The following DIAPH1 variants were observed in gnomAD, a reference collection of about 807,000 sequenced individuals.
DIAPH1 encodes the protein protein diaphanous homolog 1.
Under a neutral mutation model 140.7 loss-of-function variants are expected in DIAPH1, and 46 were observed. The ratio of observed to expected loss-of-function variants is 0.33; its 90% CI spans 0.26 to 0.42. The LOEUF (loss-of-function observed/expected upper bound fraction) is 0.42, where lower values mean the gene tolerates loss of function less well. Among genes scored for constraint, DIAPH1 ranks in the 10% least tolerant of loss-of-function variants. DIAPH1 has a pLI of 1.00. For synonymous variants in DIAPH1, 565 were observed against 551.6 expected (o/e 1.02, Z -0.34); for missense variants, 1,310 against 1,558.7 (o/e 0.84, Z 2.69).
intron 18 of DIAPH1, among the ~76,000 whole-genome samples, chr5:141,547,435 A>G (rs2099890978): frequency 2.0e-5 from 3 of 151,662 alleles, no homozygotes; most frequent in Non-Finnish European, 2.9e-5. Context: ...ACTGCACTCC[A>G]GCCTGGGCGA....
chr5:141,579,432 C>T (rs1234809557), intron 8 of DIAPH1, among the ~76,000 whole-genome samples: 1 of 152,156 alleles, frequency 6.6e-6, no homozygotes, highest in Non-Finnish European at 1.5e-5. Flanking sequence ...TCCATAAATA[C>T]CAAATCAAGT....
At chr5:141,590,792 C>T (rs1011672005) in intron 1 of DIAPH1, among the ~76,000 whole-genome samples, 2 of 151,698 alleles carry the variant, frequency 1.3e-5, no homozygotes, top group African/African-American at 4.8e-5. Flanking sequence ...TTTCTGCCTA[C>T]AGACTCTTGA....
intron 18 of DIAPH1, among the ~76,000 whole-genome samples, chr5:141,537,827 C>CAAT (rs1230598100): frequency 7.2e-5 from 11 of 152,152 alleles, no homozygotes; most frequent in Admixed American, 6.5e-5. Flanking sequence ...CCTACAACAA[C>CAAT]ATCTAAGAAA....
At position 141,584,171 on chromosome 5, in the gene DIAPH1, T is replaced by C. The variant is rs1205534090; in HGVS notation, c.355A>G (p.Ile119Val). Residue 119 changes from isoleucine (I) to valine (V), a missense_variant, in exon 4 of 28, where the codon ATC (isoleucine) becomes GTC (valine). Physicochemically the swap from Ile to Val is conservative, Grantham distance 29. Transcript: ENST00000389054. ...TGGGACACCATCTCCCTCTTGATGA[T>C]GATGTCCTTCTCCCTCAAAGGTTGC... ...KQQPLREKDI[I>V]IKREMVSQYL... 1 of 1,613,576 alleles carries C rather than the reference T, an allele frequency of 6.2e-7. No homozygotes were observed. The highest frequency in any genetic ancestry group is 8.5e-7 in the Non-Finnish European group (1 of 1,179,592).
chr5:141,551,868 A>C (rs1189652073), intron 18 of DIAPH1, among the ~76,000 whole-genome samples: 1 of 152,242 alleles, frequency 6.6e-6, no homozygotes, highest in Admixed American at 6.5e-5. Context: ...CAGTGCACAC[A>C]GAACATTTAT....
chr5:141,518,312 GAAAAAAAAA>G (rs55840265), intron 27 of DIAPH1, among the ~76,000 whole-genome samples: 1 of 115,336 alleles, frequency 8.7e-6, no homozygotes, highest in Non-Finnish European at 1.8e-5. Flanking sequence ...AGCTCAATTG[GAAAAAAAAA>G]AAAAAAAAAA....
At chr5:141,518,872 A>G (rs1209516988) in intron 27 of DIAPH1, 1 of 1,426,350 alleles carries the variant, frequency 7.0e-7, no homozygotes, top group Non-Finnish European at 9.7e-7. Flanking sequence ...CATGACCCAG[A>G]GCTACTGTTT....
chr5:141,576,550 A>G (rs371762442), intron 13 of DIAPH1, among the ~76,000 whole-genome samples: 247 of 152,332 alleles, frequency 1.6e-3, no homozygotes, highest in African/African-American at 5.8e-3. Flanking sequence ...GAGTTCCTGC[A>G]AAAGGTGCTG....
intron 6 of DIAPH1, 126 bp downstream of exon 6, chr5:141,583,080 C>A: frequency 1.2e-6 from 1 of 853,132 alleles, no homozygotes; most frequent in Non-Finnish European, 2.0e-6. Context: ...TAAACCCCTT[C>A]TTGGCTAACA....
intron 18 of DIAPH1, among the ~76,000 whole-genome samples, chr5:141,567,853 T>G (rs2099894610): frequency 6.6e-6 from 1 of 152,232 alleles, no homozygotes; most frequent in African/African-American, 2.4e-5. Flanking sequence ...TTCTGACTTC[T>G]GGAACAACAG....
chr5:141,539,749 CTT>C (rs780242179), intron 18 of DIAPH1, among the ~76,000 whole-genome samples: 3 of 152,026 alleles, frequency 2.0e-5, no homozygotes, highest in Non-Finnish European at 4.4e-5. Flanking sequence ...TTGTAATCCT[CTT>C]TATTTTATTT....
At chr5:141,531,006 T>C (rs370856544) in intron 19 of DIAPH1, among the ~76,000 whole-genome samples, 1 of 152,148 alleles carries the variant, frequency 6.6e-6, no homozygotes, top group East Asian at 1.9e-4. Context: ...AAATTACCAG[T>C]TTCTCTTTCT....
At chr5:141,588,002 T>C (rs527359836) in intron 2 of DIAPH1, among the ~76,000 whole-genome samples, 1 of 152,298 alleles carries the variant, frequency 6.6e-6, no homozygotes, top group African/African-American at 2.4e-5. Context: ...CAAGTCAGCT[T>C]TGAGTTTAAA....
intron 1 of DIAPH1, among the ~76,000 whole-genome samples, chr5:141,611,748 C>A (rs2099901876): frequency 6.6e-6 from 1 of 152,156 alleles, no homozygotes; most frequent in Non-Finnish European, 1.5e-5. Flanking sequence ...AAAAGATGTT[C>A]AACATCATTA....
intron 1 of DIAPH1, among the ~76,000 whole-genome samples, chr5:141,592,480 GACAAGTTA>G (rs2099898651): frequency 7.3e-6 from 1 of 137,548 alleles, no homozygotes; most frequent in Non-Finnish European, 1.5e-5. Context: ...CCTAGATCAT[GACAAGTTA>G]ACAACAACAA....
chr5:141,516,233 C>G lies in DIAPH1; in HGVS notation c.*618G>C, dbSNP rs144081334. ...CCTGGGCCACAGCACAGCAGGGAAA[C>G]TGGTCCAGATCCTTTGCTTTGGAGG... On this transcript the variant is annotated 3_prime_UTR_variant, in exon 28 of 28. Coordinates refer to ENST00000389054, the MANE Select transcript of DIAPH1 (RefSeq NM_005219.5). The G allele has an allele frequency of 0.011, 1,811 of 166,248 alleles. 26 individuals carry two copies. The highest frequency in any genetic ancestry group is 0.028 in the African/African-American group (1,156 of 41,744). 10.3% of individuals were successfully genotyped at this position (166,248 alleles called of 1,614,324 possible).
intron 1 of DIAPH1, among the ~76,000 whole-genome samples, chr5:141,616,975 A>T (rs932721307): frequency 2.6e-5 from 4 of 152,224 alleles, no homozygotes; most frequent in African/African-American, 9.6e-5. Flanking sequence ...CACATAGTAG[A>T]CTTCACAAGT....
chr5:141,604,744 C>A (rs1246918997), intron 1 of DIAPH1, among the ~76,000 whole-genome samples: 2 of 152,102 alleles, frequency 1.3e-5, no homozygotes, highest in Non-Finnish European at 2.9e-5. Flanking sequence ...CAGAAATAAT[C>A]CTACCCCTAC....
rs186922755 is a variant in DIAPH1 at position 141,516,142 on chromosome 5, G to A, written c.*709C>T. ...GTCCAGAGAGGCAAGGGCATAAAGC[G>A]TGGCAGAAGCTGGGGGCAGGTCCCA... On this transcript the variant is annotated 3_prime_UTR_variant, in exon 28 of 28. Coordinates refer to ENST00000389054, the MANE Select transcript of DIAPH1 (RefSeq NM_005219.5). 3.2e-4 allele frequency: 51 copies of A among 157,742 alleles called. No individual in the cohort carries two copies. In the East Asian group the frequency reaches 7.4e-3, roughly 23 times the overall value. 9.8% of individuals were successfully genotyped at this position (157,742 alleles called of 1,614,324 possible). A position where few individuals can be genotyped will look rare whatever the true frequency, so the allele number is the denominator to read the frequency against.
Sources: gnomAD v4.1 joint callset for allele counts (sites outside exome capture counted in the v4.1 genomes callset) on GRCh38, gnomAD v4.1.1 for gene constraint, MANE v1.5 for transcripts, NCBI Gene and HGNC (gene_info 2026-07-23, HGNC 2026-07-21) for gene names.